FRMD4A: variants seen among roughly 807,000 people sequenced by gnomAD.
FRMD4A encodes the protein FERM domain containing 4A, also known as FERM domain-containing protein 4A.
In FRMD4A, 29 loss-of-function variants were observed where a neutral mutation model predicts 129.1. The observed-to-expected ratio is 0.22, with a 90% CI of 0.17 to 0.31. FRMD4A has a LOEUF of 0.31. FRMD4A is among the 10% of genes least tolerant of loss of function. The pLI, the probability that FRMD4A is intolerant of heterozygous loss-of-function variation, is 1.00. For synonymous variants in FRMD4A, 634 were observed against 571.6 expected, an observed-to-expected ratio of 1.11 and a Z score of -1.56; for missense variants, 1,272 against 1,375.8, an observed-to-expected ratio of 0.92 and a Z score of 1.19.
chr10:13,902,193 T>G (rs2094827495), intron 2 of FRMD4A, among the ~76,000 whole-genome samples: 1 of 152,100 alleles, frequency 6.6e-6, no homozygotes, highest in East Asian at 1.9e-4. Flanking sequence ...ATTTTTATTT[T>G]TAAATTTTTT....
rs570592330 is a variant in FRMD4A, at chr10:13,960,952, C to A, written c.46-102040G>T. 2.0e-5 allele frequency among the ~76,000 whole-genome samples: 3 copies of A among 152,282 alleles called. No individual in the cohort carries two copies. In the South Asian group the frequency reaches 6.2e-4, roughly 32 times the overall value. On this transcript the variant is annotated intron_variant, in intron 2 of 24. Coordinates refer to ENST00000357447, the MANE Select transcript of FRMD4A (RefSeq NM_018027.5). ...ATGGAAGGCTGTGTACCTACCAGAG[C>A]ATGTTTAACTTTTTATGAGTTAGAA...
intron 2 of FRMD4A, among the ~76,000 whole-genome samples, chr10:13,924,017 G>A (rs1565046957): frequency 1.3e-5 from 2 of 152,252 alleles, no homozygotes; most frequent in Non-Finnish European, 2.9e-5. Flanking sequence ...GTTGGGGTGG[G>A]CCGTGGCTAG....
chr10:13,721,816 C>G (rs1472274230), intron 12 of FRMD4A, among the ~76,000 whole-genome samples: 2 of 152,218 alleles, frequency 1.3e-5, no homozygotes, highest in African/African-American at 4.8e-5. Context: ...GTTTTCAAAC[C>G]TTAAACATAA....
chr10:14,019,319 A>G (rs947621119), intron 2 of FRMD4A, among the ~76,000 whole-genome samples: 3 of 152,266 alleles, frequency 2.0e-5, no homozygotes, highest in Non-Finnish European at 4.4e-5. Flanking sequence ...AATGATTGAT[A>G]AATACATAGA....
intron 2 of FRMD4A, among the ~76,000 whole-genome samples, chr10:13,862,431 T>A (rs1445320845): frequency 6.6e-6 from 1 of 152,200 alleles, no homozygotes; most frequent in Non-Finnish European, 1.5e-5. Context: ...CTCATTTTCA[T>A]CTGAAAAAAA....
chr10:13,776,819 A>T (rs998295770), intron 6 of FRMD4A, among the ~76,000 whole-genome samples: 2 of 152,218 alleles, frequency 1.3e-5, no homozygotes, highest in African/African-American at 2.4e-5. Flanking sequence ...GGGATGGGTT[A>T]TCTGGGTCTA....
intron 2 of FRMD4A, among the ~76,000 whole-genome samples, chr10:14,137,081 C>G (rs1052230157): frequency 6.6e-6 from 1 of 152,248 alleles, no homozygotes; most frequent in African/African-American, 2.4e-5. Flanking sequence ...GCAAAGCCAA[C>G]AAGAGTCCTG....
chr10:14,265,473 T>G (rs1844946320), intron 2 of FRMD4A, among the ~76,000 whole-genome samples: 1 of 152,232 alleles, frequency 6.6e-6, no homozygotes, highest in Admixed American at 6.5e-5. Context: ...ATGCTATTAC[T>G]TCTTGGCTTA....
In FRMD4A at chr10:14,285,409, C is replaced by T. The variant is rs1291472806; in HGVS notation, c.45+44649G>A. On this transcript the variant is annotated intron_variant, in intron 2 of 24. Transcript: ENST00000357447. ...TGAAAAGCAAAGTTCAACTGGGGCACCACTGGAGGCATTGGGGTAGGCTCT... is the reference window on the plus strand; with the variant it reads ...TGAAAAGCAAAGTTCAACTGGGGCATCACTGGAGGCATTGGGGTAGGCTCT... Among the ~76,000 whole-genome samples, 4 of 152,186 alleles carry T rather than the reference C, an allele frequency of 2.6e-5. No individual in the cohort carries two copies. The South Asian group carries it at 8.3e-4, about 32-fold the overall frequency.
intron 6 of FRMD4A, among the ~76,000 whole-genome samples, chr10:13,779,490 A>C (rs992993117): frequency 1.3e-5 from 2 of 152,174 alleles, no homozygotes; most frequent in African/African-American, 4.8e-5. Context: ...TAAATTCCTT[A>C]GTAGAACTTT....
chr10:13,707,211 T>G (rs926965272), intron 12 of FRMD4A, 98 bp from the exon 13 acceptor site: 1 of 871,718 alleles, frequency 1.1e-6, no homozygotes, highest in Non-Finnish European at 1.9e-6. Flanking sequence ...GGCAGTTTCC[T>G]TATCAAAACA....
At chr10:13,946,336 G>A (rs2095331367) in intron 2 of FRMD4A, among the ~76,000 whole-genome samples, 1 of 152,194 alleles carries the variant, frequency 6.6e-6, no homozygotes, top group Non-Finnish European at 1.5e-5. Flanking sequence ...CAGAATCCCT[G>A]TCCCTACCTC....
At chr10:13,714,153 C>A (rs1403389331) in intron 12 of FRMD4A, among the ~76,000 whole-genome samples, 1 of 148,066 alleles carries the variant, frequency 6.8e-6, no homozygotes, top group African/African-American at 2.5e-5. Context: ...TCTGCTGCCT[C>A]CCGGGTTCAA....
At chr10:14,185,504 T>A (rs942465702) in intron 2 of FRMD4A, among the ~76,000 whole-genome samples, 4 of 152,134 alleles carry the variant, frequency 2.6e-5, no homozygotes, top group Non-Finnish European at 4.4e-5. Context: ...TAACTTCAAG[T>A]ATTTTTTGGA....
chr10:14,018,654 T>C lies in FRMD4A; in HGVS notation c.46-159742A>G, dbSNP rs546001852. Among the ~76,000 whole-genome samples the C allele has an allele frequency of 8.5e-5, 13 of 152,114 alleles. No homozygotes were observed. In the East Asian group the frequency reaches 9.7e-4, roughly 11 times the overall value. ...TGAATGGTAGAATGAAGAACCAAGG[T>C]ATATTGGAGGCCAAGAGAGCAGGTA... On this transcript the variant is annotated intron_variant, in intron 2 of 24. Coordinates refer to ENST00000357447, the MANE Select transcript of FRMD4A (RefSeq NM_018027.5).
chr10:13,740,293 C>T (rs778909117), intron 10 of FRMD4A, 42 bp from the exon 11 acceptor site: 62 of 1,359,170 alleles, frequency 4.6e-5, no homozygotes, highest in East Asian at 1.1e-4. Flanking sequence ...ACACACAATG[C>T]GCAAAAGGCT....
At chr10:14,157,385 G>A (rs763499237) in intron 2 of FRMD4A, among the ~76,000 whole-genome samples, 30 of 152,282 alleles carry the variant, frequency 2.0e-4, no homozygotes, top group Non-Finnish European at 3.4e-4. Context: ...CACCAACCAC[G>A]GCACGAATTT....
At chr10:14,172,946 G>A (rs975315351) in intron 2 of FRMD4A, among the ~76,000 whole-genome samples, 11 of 152,114 alleles carry the variant, frequency 7.2e-5, no homozygotes, top group African/African-American at 1.9e-4. Context: ...GGAAATTCTC[G>A]CAAAGGATGG....
At chr10:14,131,199 C>T (rs917829759) in intron 2 of FRMD4A, among the ~76,000 whole-genome samples, 5 of 152,160 alleles carry the variant, frequency 3.3e-5, no homozygotes, top group African/African-American at 1.2e-4. Context: ...CAATGAAGCA[C>T]AGAGTTCACA....
Sources: gnomAD v4.1 joint callset for allele counts (sites outside exome capture counted in the v4.1 genomes callset) on GRCh38, gnomAD v4.1.1 for gene constraint, MANE v1.5 for transcripts, NCBI Gene and HGNC (gene_info 2026-07-23, HGNC 2026-07-21) for gene names.